BICRA: variants seen among roughly 807,000 people sequenced by gnomAD.
The protein encoded by BICRA is BRD4 interacting chromatin remodeling complex associated protein.
In BICRA, 31 loss-of-function variants were observed where a neutral mutation model predicts 96.9. That is an observed-to-expected ratio of 0.32 (90% CI 0.24 to 0.43). The LOEUF (loss-of-function observed/expected upper bound fraction) is 0.43. Among genes scored for constraint, BICRA ranks in the 20% least tolerant of loss-of-function variants. BICRA has a pLI of 1.00. For missense variants in BICRA, 2,283 were observed against 2,190.3 expected, an observed-to-expected ratio of 1.04 and a Z score of -0.84; for synonymous variants, 1,350 against 1,071.8, an observed-to-expected ratio of 1.26 and a Z score of -5.07.
chr19:47,671,926 T>C (rs753462211), intron 2 of BICRA, among the ~76,000 whole-genome samples: 4 of 84,592 alleles, frequency 4.7e-5, no homozygotes, highest in Non-Finnish European at 6.8e-5. Context: ...AGTAGATGGG[T>C]GGAAGGATGG....
chr19:47,686,089 T>C (rs1050016962), intron 7 of BICRA, among the ~76,000 whole-genome samples: 1 of 150,888 alleles, frequency 6.6e-6, no homozygotes, highest in African/African-American at 2.4e-5. Context: ...CGCCACCGCA[T>C]CCAGCTAATA....
chr19:47,619,281 G>A (rs1275385368), intron 1 of BICRA, among the ~76,000 whole-genome samples: 1 of 144,822 alleles, frequency 6.9e-6, no homozygotes, highest in Non-Finnish European at 1.5e-5. Context: ...ATGGGGTCTC[G>A]CTGTTTCGCT....
At chr19:47,642,471 C>T (rs1356914945) in intron 1 of BICRA, among the ~76,000 whole-genome samples, 11 of 152,050 alleles carry the variant, frequency 7.2e-5, no homozygotes, top group African/African-American at 2.7e-4. Context: ...GAGACTGAGG[C>T]GAGAGGACTG....
chr19:47,634,875 C>G (rs535474425), intron 1 of BICRA, among the ~76,000 whole-genome samples: 4 of 150,474 alleles, frequency 2.7e-5, no homozygotes, highest in East Asian at 2.0e-4. Flanking sequence ...CCATTCTCCT[C>G]CCTCAGCCTC....
chr19:47,648,923 C>G (rs1443488254), intron 1 of BICRA, among the ~76,000 whole-genome samples: 1 of 150,728 alleles, frequency 6.6e-6, no homozygotes, highest in Non-Finnish European at 1.5e-5. Flanking sequence ...ACGATCTTGG[C>G]TCACTGCAAG....
intron 1 of BICRA, among the ~76,000 whole-genome samples, chr19:47,609,840 C>T (rs1275937912): frequency 6.6e-6 from 1 of 151,956 alleles, no homozygotes. Context: ...CACCGGGGCT[C>T]CCCCCTTCGC....
At chr19:47,645,180 A>G (rs1972441266) in intron 1 of BICRA, among the ~76,000 whole-genome samples, 1 of 152,182 alleles carries the variant, frequency 6.6e-6, no homozygotes, top group Non-Finnish European at 1.5e-5. Context: ...AGTTGCATTT[A>G]CTTGTCTGGT....
intron 1 of BICRA, among the ~76,000 whole-genome samples, chr19:47,613,694 A>G (rs1441088621): frequency 6.6e-6 from 1 of 151,890 alleles, no homozygotes; most frequent in Non-Finnish European, 1.5e-5. Flanking sequence ...CTTATGCCAC[A>G]CTAGAGACGC....
chr19:47,646,759 TCACA>T (rs1337369238), intron 1 of BICRA, among the ~76,000 whole-genome samples: 1 of 152,102 alleles, frequency 6.6e-6, no homozygotes, highest in Non-Finnish European at 1.5e-5. Flanking sequence ...AGTAACACTC[TCACA>T]CACAGTTATT....
At position 47,680,510 on chromosome 19, in the gene BICRA, T is replaced by A; in HGVS notation, c.1340T>A (p.Met447Lys). ...CCCCCCGGGGCCCTGAGCAAACCCATGAGCGTCCACCTCCTGAACCAAGGC... is the reference window on the plus strand; with the variant it reads ...CCCCCCGGGGCCCTGAGCAAACCCAAGAGCGTCCACCTCCTGAACCAAGGC... ...PQPPGALSKPMSVHLLNQGSS... is the reference protein window; with the variant it reads ...PQPPGALSKPKSVHLLNQGSS... Residue 447 changes from methionine (M) to lysine (K), a missense_variant, in exon 6 of 15, where the codon ATG (methionine) becomes AAG (lysine). Transcript: ENST00000594866. The A allele has an allele frequency of 6.5e-7, 1 of 1,543,940 alleles. No individual in the cohort carries two copies. The highest frequency in any genetic ancestry group is 1.2e-5 in the South Asian group (1 of 84,016).
At position 47,682,010 on chromosome 19, in the gene BICRA, C is replaced by G. The variant is rs753351303; in HGVS notation, c.2141C>G (p.Pro714Arg). ...CAGCAGCCCCTCTCCGCAGAGGGCC[C>G]CCACCTCTCCGTGCCTGCCTCGGTC... ...RSQQPLSAEG[P>R]HLSVPASVIV... The change falls in exon 7 of 15, where the codon CCC (proline) becomes CGC (arginine). Residue 714 changes from proline to arginine, a missense_variant. Physicochemically the swap from Pro to Arg is moderately radical, Grantham distance 103 (BLOSUM62 -2). Transcript: ENST00000594866. 3 of 1,571,556 alleles carry G rather than the reference C, an allele frequency of 1.9e-6. No homozygotes were observed. Among genetic ancestry groups the G allele is most frequent in the Non-Finnish European group, 1.7e-6 (2 of 1,163,132 alleles).
rs1348451804 is a variant in BICRA at position 47,685,784 on chromosome 19, TGTGC to T, written c.2283+3634_2283+3637del. Among the ~76,000 whole-genome samples, 1,032 of 115,398 alleles carry T rather than the reference TGTGC, an allele frequency of 8.9e-3. 6 individuals are homozygous for T. The highest frequency in any genetic ancestry group is 0.012 in the Non-Finnish European group (726 of 58,642). The allele number at this position is 115,398 out of a possible 152,430, so 75.7% of individuals were successfully genotyped here. The stretch of plus-strand genomic sequence containing the variant: ...GTGTGTGTGTGTGTGTGTGTGTGTG[TGTGC>T]GCGCGCGCGCGCATGCGTACATTTT... On this transcript the variant is annotated intron_variant, in intron 7 of 14. Transcript: ENST00000594866.
intron 1 of BICRA, among the ~76,000 whole-genome samples, chr19:47,641,539 A>G (rs781149885): frequency 6.6e-6 from 1 of 152,128 alleles, no homozygotes; most frequent in Admixed American, 6.6e-5. Flanking sequence ...GGTCCTAGCT[A>G]CTTGGGAGGC....
Position 47,694,226 on chromosome 19 carries a change from C to T in BICRA, c.2395C>T (p.Pro799Ser), listed in dbSNP as rs1455221710. Reference protein sequence around the residue: ...PHLPSPHPTRPPSRPPSRPQS... With the variant: ...PHLPSPHPTRSPSRPPSRPQS... ...CCTGCCCTCCCCACACCCCACCCGGCCCCCTTCCCGCCCACCCTCCCGGCC... is the reference window on the plus strand; with the variant it reads ...CCTGCCCTCCCCACACCCCACCCGGTCCCCTTCCCGCCCACCCTCCCGGCC... The change falls in exon 8 of 15, where the codon CCC becomes TCC. Residue 799 changes from proline to serine, a missense_variant. By Grantham distance (74) the Pro-to-Ser change is moderately conservative. Transcript: ENST00000594866. 8 of 1,061,140 alleles carry T rather than the reference C, an allele frequency of 7.5e-6. No individual in the cohort carries two copies. The highest frequency in any genetic ancestry group is 3.3e-5 in the East Asian group (1 of 30,590). The allele number at this position is 1,061,140 out of a possible 1,614,324, so 65.7% of individuals were successfully genotyped here.
chr19:47,691,745 C>T (rs959221839), intron 7 of BICRA, among the ~76,000 whole-genome samples: 3 of 151,970 alleles, frequency 2.0e-5, no homozygotes, highest in African/African-American at 7.3e-5. Context: ...GTTTTTAGTA[C>T]AGATGGGGTT....
chr19:47,698,702 C>A lies in BICRA; in HGVS notation c.3317C>A (p.Ser1106Tyr). The change falls in exon 12 of 15, where the codon TCC (serine) becomes TAC (tyrosine). Residue 1106 changes from serine to tyrosine, a missense_variant. Physicochemically the swap from Ser to Tyr is moderately radical, Grantham distance 144. Coordinates refer to ENST00000594866, the MANE Select transcript of BICRA (RefSeq NM_001394372.1). This position sits in a 1 kb window ranked among gnomAD's most constrained non-coding sequence, Gnocchi z 4.8. ...CCCGACTACAAGACGGCCTTCCCCTCCTTTGAGGACGCCCTGCATCGCCTC... is the reference window on the plus strand; with the variant it reads ...CCCGACTACAAGACGGCCTTCCCCTACTTTGAGGACGCCCTGCATCGCCTC... Reference protein sequence around the residue: ...LHPDYKTAFPSFEDALHRLLP... With the variant: ...LHPDYKTAFPYFEDALHRLLP... 6.2e-7 allele frequency: 1 copy of A among 1,601,316 alleles called. No individual in the cohort carries two copies.
At chr19:47,659,725 C>T (rs1972675637) in intron 1 of BICRA, among the ~76,000 whole-genome samples, 1 of 143,886 alleles carries the variant, frequency 6.9e-6, no homozygotes, top group African/African-American at 2.6e-5. Context: ...CACACACACA[C>T]ACACACACGT....
intron 6 of BICRA, 109 bp from the exon 7 acceptor site, chr19:47,681,866 AC>A (rs1383401780): frequency 1.3e-6 from 1 of 765,058 alleles, no homozygotes; most frequent in Non-Finnish European, 2.0e-6. Flanking sequence ...GCTGCCCACT[AC>A]CCCATTCTCT....
chr19:47,609,737 G>T (rs1161576180), intron 1 of BICRA, among the ~76,000 whole-genome samples: 2 of 151,838 alleles, frequency 1.3e-5, no homozygotes, highest in Non-Finnish European at 2.9e-5. Context: ...CGCCTCGCTC[G>T]GCCCCTGCGC....
Sources: gnomAD v4.1 joint callset for allele counts (sites outside exome capture counted in the v4.1 genomes callset) on GRCh38, gnomAD v4.1.1 for gene constraint, Gnocchi (gnomAD v3.1) non-coding constraint, MANE v1.5 for transcripts, NCBI Gene and HGNC (gene_info 2026-07-23, HGNC 2026-07-21) for gene names.